Variants in ARHGAP23 observed in about 807,000 individuals in gnomAD.
ARHGAP23 encodes rho GTPase-activating protein 23.
A neutral mutation model predicts 136.3 loss-of-function variants in ARHGAP23; 34 were observed. That is an observed-to-expected ratio of 0.25 (90% CI 0.19 to 0.33). ARHGAP23 has a LOEUF of 0.33. Ranked by LOEUF, ARHGAP23 falls within the 10% of genes least tolerant of loss-of-function variation. The pLI, the probability that ARHGAP23 is intolerant of heterozygous loss-of-function variation, is 1.00. For missense variants in ARHGAP23, 1,808 were observed against 2,139.0 expected (o/e 0.85, Z 3.05); for synonymous variants, 832 against 920.5 (o/e 0.90, Z 1.74).
In ARHGAP23 at chr17:38,466,867, G is replaced by A. The variant is rs544775256; in HGVS notation, c.1184G>A (p.Arg395Gln). The A allele has an allele frequency of 6.3e-5, 97 of 1,549,636 alleles. No homozygotes were observed. Among genetic ancestry groups the A allele is most frequent in the African/African-American group, 4.6e-4 (34 of 73,180 alleles). Residue 395 changes from arginine (R) to glutamine (Q), a missense_variant, in exon 7 of 24, where the codon CGG (arginine) becomes CAG (glutamine). Transcript: ENST00000622683. The part of the protein sequence containing the change: ...SSARTPACPT[R>Q]DLPGPQAPPP... ...GCCCGCACCCCCGCCTGCCCAACTC[G>A]GGACCTGCCAGGGCCCCAGGCCCCA...
chr17:38,474,758 G>T (rs1015755200), intron 11 of ARHGAP23, among the ~76,000 whole-genome samples: 5 of 68,128 alleles, frequency 7.3e-5, no homozygotes, highest in African/African-American at 1.6e-4. Flanking sequence ...TGAGAGAAGT[G>T]GGGGGGCCGG....
intron 2 of ARHGAP23, among the ~76,000 whole-genome samples, chr17:38,459,581 G>C (rs915337263): frequency 2.6e-5 from 4 of 152,170 alleles, no homozygotes; most frequent in African/African-American, 7.2e-5. Flanking sequence ...GCTGCCCCCA[G>C]CATCTTCTCT....
chr17:38,480,199 C>T (rs2040001672), intron 14 of ARHGAP23, among the ~76,000 whole-genome samples: 2 of 152,128 alleles, frequency 1.3e-5, no homozygotes, highest in Admixed American at 6.5e-5. Flanking sequence ...TCACCTTTGG[C>T]TGTTAGAAAG....
chr17:38,460,522 G>A (rs962202376), intron 2 of ARHGAP23, among the ~76,000 whole-genome samples: 5 of 152,070 alleles, frequency 3.3e-5, no homozygotes, highest in African/African-American at 1.2e-4. Context: ...TCCTCCCCTT[G>A]GTATTCCCTG....
chr17:38,490,350 G>T (rs2040248808), intron 18 of ARHGAP23, 112 bp from the exon 19 acceptor site: 1 of 1,123,290 alleles, frequency 8.9e-7, no homozygotes, highest in Non-Finnish European at 1.3e-6. Context: ...TAGAGGATAG[G>T]TTCCAGACTC....
At chr17:38,507,903 A>G (rs2144821225) in intron 23 of ARHGAP23, among the ~76,000 whole-genome samples, 1 of 152,346 alleles carries the variant, frequency 6.6e-6, no homozygotes, top group South Asian at 2.1e-4. Context: ...TCATTATTAC[A>G]CCATGGCTGA....
chr17:38,506,406 C>T (rs968215986), intron 23 of ARHGAP23, among the ~76,000 whole-genome samples: 3 of 152,160 alleles, frequency 2.0e-5, no homozygotes, highest in South Asian at 2.1e-4. Context: ...TGACCCTGCC[C>T]GGCTGTGAGA....
chr17:38,510,658 C>T lies in ARHGAP23; in HGVS notation c.4162C>T (p.Leu1388=). ...GGCGGACGACATGCTCGCCGTGCGC[C>T]TGCGGCGGCCGCTGTCGCCCGAGAC... ...GTADDMLAVR[L]RRPLSPETRR... Residue 1388 remains leucine (L), a synonymous_variant, in exon 24 of 24, where the codon CTG becomes TTG. Coordinates refer to ENST00000622683, the MANE Select transcript of ARHGAP23 (RefSeq NM_001199417.2). The surrounding 1 kb of genome is among the most constrained non-coding windows in gnomAD (Gnocchi z 4.6). The T allele has an allele frequency of 7.2e-7, 1 of 1,383,710 alleles. No individual in the cohort carries two copies. Among genetic ancestry groups the T allele is most frequent in the East Asian group, 3.1e-5 (1 of 32,450 alleles). The allele number at this position is 1,383,710 out of a possible 1,614,324, so 85.7% of individuals were successfully genotyped here.
At chr17:38,474,699 C>A (rs1041402155) in intron 11 of ARHGAP23, among the ~76,000 whole-genome samples, 1 of 152,148 alleles carries the variant, frequency 6.6e-6, no homozygotes, top group Admixed American at 6.5e-5. Flanking sequence ...GTTACCTGTG[C>A]CTCTGTGCAG....
chr17:38,420,151 C>T (rs2038505536), intron 1 of ARHGAP23, among the ~76,000 whole-genome samples: 1 of 152,196 alleles, frequency 6.6e-6, no homozygotes, highest in Admixed American at 6.5e-5. Flanking sequence ...GTTCTCATTC[C>T]CTGCACGGAG....
chr17:38,445,584 GGT>G (rs1294015448), intron 1 of ARHGAP23, among the ~76,000 whole-genome samples: 1 of 151,514 alleles, frequency 6.6e-6, no homozygotes, highest in Non-Finnish European at 1.5e-5. Context: ...CACCATAAGT[GGT>G]GATATTCCAC....
chr17:38,500,189 G>A (rs2040490205), intron 22 of ARHGAP23: 1 of 222,100 alleles, frequency 4.5e-6, no homozygotes, highest in African/African-American at 2.3e-5. Flanking sequence ...CAGAGCATCT[G>A]TGATTTGCTG....
chr17:38,509,996 CCTT>C lies in ARHGAP23; in HGVS notation c.3502_3504del (p.Phe1168del), dbSNP rs1308560679. ...TACGCCCGGGAGATGCTGGCGATCT[CCTT>C]CATCTCGGCCGTCAACCGCAAGCGC... On this transcript the variant is annotated inframe_deletion, in exon 24 of 24. Transcript: ENST00000622683. 1.6e-6 allele frequency: 2 copies of C among 1,252,214 alleles called. No individual in the cohort carries two copies. The highest frequency in any genetic ancestry group is 2.0e-6 in the Non-Finnish European group (2 of 995,416). 77.6% of individuals were successfully genotyped at this position (1,252,214 alleles called of 1,614,324 possible).
intron 10 of ARHGAP23, among the ~76,000 whole-genome samples, chr17:38,471,492 C>G (rs1013954668): frequency 6.6e-5 from 10 of 152,232 alleles, no homozygotes; most frequent in African/African-American, 2.4e-4. Flanking sequence ...ACTCACTCAG[C>G]CTTTGTTGAT....
intron 10 of ARHGAP23, among the ~76,000 whole-genome samples, chr17:38,470,584 T>C (rs999684482): frequency 6.6e-6 from 1 of 152,260 alleles, no homozygotes; most frequent in Non-Finnish European, 1.5e-5. Context: ...TTGCCCAGTC[T>C]GGAGTGCAGT....
chr17:38,489,490 C>T (rs2040226212), intron 17 of ARHGAP23, among the ~76,000 whole-genome samples: 2 of 151,672 alleles, frequency 1.3e-5, no homozygotes. Flanking sequence ...CCCTTTCTAG[C>T]CTTAACATTG....
rs1324090858 is a variant in ARHGAP23 at position 38,498,918 on chromosome 17, C to G, written c.3415+408C>G. 8.6e-6 allele frequency: 6 copies of G among 698,848 alleles called. No individual in the cohort carries two copies. In the African/African-American group the frequency reaches 8.8e-5, roughly 10 times the overall value. The allele number at this position is 698,848 out of a possible 1,614,324, so 43.3% of individuals were successfully genotyped here. Reference sequence around the variant, plus strand: ...CCCACCCCCTTCTCTTCTCCTCCCCCTCCCCTCCTCCAGCGGACCTGTTGG... The same window carrying G: ...CCCACCCCCTTCTCTTCTCCTCCCCGTCCCCTCCTCCAGCGGACCTGTTGG... On this transcript the variant is annotated intron_variant, in intron 22 of 23. Coordinates refer to ENST00000622683, the MANE Select transcript of ARHGAP23 (RefSeq NM_001199417.2).
rs1311456418 is a variant in ARHGAP23 at position 38,498,344 on chromosome 17, C to A, written c.3319-70C>A. On this transcript the variant is annotated intron_variant, in intron 21 of 23. Coordinates refer to ENST00000622683, the MANE Select transcript of ARHGAP23 (RefSeq NM_001199417.2). The stretch of plus-strand genomic sequence containing the variant: ...GGAGACATGGGCTCTGTCATCAGGG[C>A]ACCCCCCTCTGGGGGGTTGGCAGCC... The A allele has an allele frequency of 7.3e-6, 9 of 1,229,602 alleles. No homozygotes were observed. In the East Asian group the frequency reaches 7.9e-5, roughly 11 times the overall value. The allele number at this position is 1,229,602 out of a possible 1,614,324, so 76.2% of individuals were successfully genotyped here.
At chr17:38,478,270 A>C (rs1455125749) in intron 12 of ARHGAP23, among the ~76,000 whole-genome samples, 3 of 152,170 alleles carry the variant, frequency 2.0e-5, no homozygotes, top group Non-Finnish European at 4.4e-5. Flanking sequence ...GTGTTAGGGC[A>C]TGAGTGTCCC....
Sources: gnomAD v4.1 joint callset for allele counts (sites outside exome capture counted in the v4.1 genomes callset) on GRCh38, gnomAD v4.1.1 for gene constraint, Gnocchi (gnomAD v3.1) non-coding constraint, MANE v1.5 for transcripts, NCBI Gene and HGNC (gene_info 2026-07-23, HGNC 2026-07-21) for gene names.